The following UPK3A variants were observed in gnomAD, a reference collection of about 807,000 sequenced individuals.
UPK3A encodes uroplakin 3A.
In UPK3A, 32 loss-of-function variants were observed where a neutral mutation model predicts 27.6. That is an observed-to-expected ratio of 1.16 (90% CI 0.87 to 1.55). UPK3A has a LOEUF of 1.55. Among genes scored for constraint, UPK3A ranks in the 40% most tolerant of loss-of-function variants. The pLI, the probability that UPK3A is intolerant of heterozygous loss-of-function variation, is 0.00. For missense variants in UPK3A, 370 were observed against 367.9 expected, an observed-to-expected ratio of 1.01 and a Z score of -0.05; for synonymous variants, 171 against 163.9, an observed-to-expected ratio of 1.04 and a Z score of -0.33.
intron 1 of UPK3A, 124 bp downstream of exon 1, chr22:45,285,189 A>G (rs1350782796): frequency 1.1e-6 from 1 of 894,380 alleles, no homozygotes; most frequent in Non-Finnish European, 1.7e-6. Flanking sequence ...TATGAATAAT[A>G]GTGATAGCCA....
intron 2 of UPK3A, among the ~76,000 whole-genome samples, chr22:45,286,909 C>A (rs1330111422): frequency 6.6e-6 from 1 of 152,118 alleles, no homozygotes; most frequent in Non-Finnish European, 1.5e-5. Context: ...AATGAAGAGA[C>A]AAAGGTCTGT....
At chr22:45,285,854 C>G in intron 1 of UPK3A, 87 bp from the exon 2 acceptor site, 1 of 1,589,070 alleles carries the variant, frequency 6.3e-7, no homozygotes, top group Non-Finnish European at 8.6e-7. Flanking sequence ...CAGGGCCTGG[C>G]ACACAACACG....
At chr22:45,287,097 C>T in intron 2 of UPK3A, 75 bp from the exon 3 acceptor site, 1 of 1,601,638 alleles carries the variant, frequency 6.2e-7, no homozygotes, top group East Asian at 2.2e-5. Context: ...GATGATCAGG[C>T]ATTTGATGAA....
chr22:45,286,710 T>C (rs993044611), intron 2 of UPK3A, among the ~76,000 whole-genome samples: 2 of 152,204 alleles, frequency 1.3e-5, no homozygotes, highest in African/African-American at 4.8e-5. Flanking sequence ...CTAAAGTGCC[T>C]GATCTCCGGG....
In UPK3A at chr22:45,287,560, G is replaced by A. The variant is rs369274832; in HGVS notation, c.488+109G>A. The A allele has an allele frequency of 3.9e-5, 55 of 1,410,150 alleles. 1 individual carries two copies. Among genetic ancestry groups the A allele is most frequent in the African/African-American group, 2.1e-4 (15 of 70,626 alleles). The allele number at this position is 1,410,150 out of a possible 1,614,324, so 87.4% of individuals were successfully genotyped here. A position where few individuals can be genotyped will look rare whatever the true frequency, so the allele number is the denominator to read the frequency against. ...CACACTTCTTGAGAACTTATATGCT[G>A]AGAACATCCCAGGTTCCAGGCAGGC... On this transcript the variant is annotated intron_variant, in intron 3 of 5. Coordinates refer to ENST00000216211, the MANE Select transcript of UPK3A (RefSeq NM_006953.4).
Position 45,288,163 on chromosome 22 carries a change from C to G in UPK3A, c.488+712C>G, listed in dbSNP as rs558098987. On this transcript the variant is annotated intron_variant, in intron 3 of 5. Coordinates refer to ENST00000216211, the MANE Select transcript of UPK3A (RefSeq NM_006953.4). ...GCTGGGGCCCAGCATGAACAGAAAC[C>G]CTACCAAAGCCTTGCCATCTGCAGC... 1.1e-4 allele frequency among the ~76,000 whole-genome samples: 16 copies of G among 152,112 alleles called. No individual in the cohort carries two copies. In the East Asian group the frequency reaches 2.5e-3, roughly 24 times the overall value.
intron 1 of UPK3A, among the ~76,000 whole-genome samples, chr22:45,285,442 G>A (rs1394684297): frequency 3.3e-5 from 5 of 152,204 alleles, no homozygotes; most frequent in African/African-American, 1.2e-4. Flanking sequence ...CAGTCCATGG[G>A]ACCAGCTGGA....
chr22:45,288,288 C>T (rs1016163480), intron 3 of UPK3A, among the ~76,000 whole-genome samples: 15 of 152,060 alleles, frequency 9.9e-5, no homozygotes, highest in Non-Finnish European at 1.6e-4. Context: ...CTCTGCCTCC[C>T]GGGTTCAAGC....
intron 5 of UPK3A, 105 bp from the exon 6 acceptor site, chr22:45,295,455 G>A (rs2084188403): frequency 7.3e-6 from 9 of 1,230,006 alleles, no homozygotes; most frequent in Middle Eastern, 2.1e-4. Flanking sequence ...CTACGAAGAC[G>A]ATATCTGTGA....
rs778476517 is a variant in UPK3A, at chr22:45,295,659, C to T, written c.804C>T (p.Ser268=). ...SLGASESSYT[S]VNRGPPLDRA... is the part of the protein sequence containing the mutation. ...GGGCCTCGGAGTCTTCCTACACGTCCGTGAACCGGGGGCCGCCACTGGACA... is the reference window on the plus strand; with the variant it reads ...GGGCCTCGGAGTCTTCCTACACGTCTGTGAACCGGGGGCCGCCACTGGACA... The change falls in exon 6 of 6, where the codon TCC becomes TCT. Residue 268 remains serine (S), a synonymous_variant. Coordinates refer to ENST00000216211, the MANE Select transcript of UPK3A (RefSeq NM_006953.4). 54 of 1,613,914 alleles carry T rather than the reference C, an allele frequency of 3.3e-5. No individual in the cohort carries two copies. In the South Asian group the frequency reaches 4.4e-4, roughly 13 times the overall value.
At chr22:45,287,151 C>G (rs770459210) in intron 2 of UPK3A, 21 bp from the exon 3 acceptor site, 3 of 1,613,668 alleles carry the variant, frequency 1.9e-6, no homozygotes, top group Non-Finnish European at 1.7e-6. Context: ...AGAAGCCTGA[C>G]TCCCTGCACC....
rs2084140866 is a variant in UPK3A, at chr22:45,289,126, C to T, written c.554C>T (p.Pro185Leu). 3 of 1,613,840 alleles carry T rather than the reference C, an allele frequency of 1.9e-6. No individual in the cohort carries two copies. The African/African-American group carries it at 4.0e-5, about 22-fold the overall frequency. Residue 185 changes from proline (P) to leucine (L), a missense_variant, in exon 4 of 6, where the codon CCC (proline) becomes CTC (leucine). By Grantham distance (98) the Pro-to-Leu change is moderately conservative. Coordinates refer to ENST00000216211, the MANE Select transcript of UPK3A (RefSeq NM_006953.4). ...LVEDQTLWSD[P>L]IRTNQLTPYS... ...GAGGACCAGACCCTGTGGTCAGACC[C>T]CATCCGCACCAACCAGCGTAAGTGG...
At chr22:45,289,251 GC>G in intron 4 of UPK3A, 108 bp downstream of exon 4, 1 of 1,138,382 alleles carries the variant, frequency 8.8e-7, no homozygotes, top group Non-Finnish European at 1.3e-6. Context: ...AGCCTCCCAG[GC>G]CAGGCAGTGA....
intron 2 of UPK3A, 29 bp downstream of exon 2, chr22:45,286,125 C>T: frequency 1.2e-6 from 2 of 1,613,602 alleles, no homozygotes; most frequent in Non-Finnish European, 1.7e-6. Flanking sequence ...TCTGGCTACT[C>T]CAAAAGGGGC....
chr22:45,287,109 A>C, intron 2 of UPK3A, 63 bp from the exon 3 acceptor site: 1 of 1,609,186 alleles, frequency 6.2e-7, no homozygotes, highest in Non-Finnish European at 8.5e-7. Context: ...TTTGATGAAT[A>C]ACTGAGTGAG....
intron 4 of UPK3A, among the ~76,000 whole-genome samples, chr22:45,290,988 G>C (rs1030419560): frequency 6.6e-6 from 1 of 152,156 alleles, no homozygotes; most frequent in Non-Finnish European, 1.5e-5. Context: ...GATTCTACAT[G>C]ATGATGAGTT....
chr22:45,286,200 C>G, intron 2 of UPK3A, 104 bp downstream of exon 2: 2 of 1,467,048 alleles, frequency 1.4e-6, no homozygotes, highest in South Asian at 2.4e-5. Context: ...CTGTAGTCGT[C>G]TCATTAAACA....
chr22:45,293,452 G>C, intron 5 of UPK3A, 139 bp downstream of exon 5: 1 of 1,140,142 alleles, frequency 8.8e-7, no homozygotes, highest in East Asian at 2.4e-5. Context: ...CCGCGGGTGG[G>C]GTCTGGTGAA....
Position 45,284,994 on chromosome 22 carries a change from C to G in UPK3A, c.-20C>G. On this transcript the variant is annotated 5_prime_UTR_variant, in exon 1 of 6. Transcript: ENST00000216211. Reference sequence around the variant, plus strand: ...CTCGCTGGACCGCCCGCCCCGCGCTCTGGCGGCTCCTCCCGGGCGATGCCT... The same window carrying G: ...CTCGCTGGACCGCCCGCCCCGCGCTGTGGCGGCTCCTCCCGGGCGATGCCT... 1 of 1,529,720 alleles carries G rather than the reference C, an allele frequency of 6.5e-7. No individual in the cohort carries two copies. Among genetic ancestry groups the G allele is most frequent in the Non-Finnish European group, 8.7e-7 (1 of 1,144,676 alleles). The allele number at this position is 1,529,720 out of a possible 1,614,324, so 94.8% of individuals were successfully genotyped here.
Sources: gnomAD v4.1 joint callset for allele counts (sites outside exome capture counted in the v4.1 genomes callset) on GRCh38, gnomAD v4.1.1 for gene constraint, MANE v1.5 for transcripts, NCBI Gene and HGNC (gene_info 2026-07-23, HGNC 2026-07-21) for gene names.